Variants in EXOSC7 observed in about 807,000 individuals in gnomAD.
The protein encoded by EXOSC7 is exosome complex component RRP42.
In EXOSC7, 25 loss-of-function variants were observed where a neutral mutation model predicts 34.3. The observed-to-expected ratio is 0.73, with a 90% CI of 0.53 to 1.02. The LOEUF (loss-of-function observed/expected upper bound fraction) is 1.02, where lower values mean the gene tolerates loss of function less well. EXOSC7 is among the 50% of genes least tolerant of loss of function. The pLI is 0.00. For missense variants in EXOSC7, 370 were observed against 368.5 expected, an observed-to-expected ratio of 1.00 and a Z score of -0.03; for synonymous variants, 130 against 143.0, an observed-to-expected ratio of 0.91 and a Z score of 0.65.
At chr3:44,996,991 TC>T in intron 3 of EXOSC7, 95 bp from the exon 4 acceptor site, 5 of 1,292,722 alleles carry the variant, frequency 3.9e-6, no homozygotes, top group Middle Eastern at 1.9e-4. Flanking sequence ...AGCTGGCTCT[TC>T]CAGCATTCTA....
intron 7 of EXOSC7, among the ~76,000 whole-genome samples, chr3:45,009,653 A>G (rs111293499): frequency 0.1 from 15,661 of 151,504 alleles, 851 homozygotes; most frequent in Middle Eastern, 0.18. Flanking sequence ...GGTTCAAGTG[A>G]TTCTGCCTCA....
chr3:45,005,413 A>G lies in EXOSC7; in HGVS notation c.614A>G (p.Lys205Arg), dbSNP rs1334337043. 2 of 1,613,764 alleles carry G rather than the reference A, an allele frequency of 1.2e-6. No homozygotes were observed. Among genetic ancestry groups the G allele is most frequent in the Non-Finnish European group, 1.7e-6 (2 of 1,179,732 alleles). The change falls in exon 6 of 8, where the codon AAG becomes AGG. Residue 205 changes from lysine (K) to arginine (R), a missense_variant and splice_region_variant. Coordinates refer to ENST00000265564, the MANE Select transcript of EXOSC7 (RefSeq NM_015004.4). ...GTCCCCTGCATTGTCACTCTGTGCA[A>G]GGTATAACTTGTATTTTATGGTTTT... ...ENVPCIVTLCKIGYRHVVDAT... is the reference protein window; with the variant it reads ...ENVPCIVTLCRIGYRHVVDAT...
intron 7 of EXOSC7, among the ~76,000 whole-genome samples, chr3:45,008,897 A>G (rs866283135): frequency 6.6e-6 from 1 of 152,256 alleles, no homozygotes; most frequent in Non-Finnish European, 1.5e-5. Flanking sequence ...TTGTGTGCGT[A>G]CTATGTGCCA....
chr3:44,993,799 A>T (rs1479020948), intron 3 of EXOSC7, among the ~76,000 whole-genome samples: 7 of 152,182 alleles, frequency 4.6e-5, no homozygotes, highest in Admixed American at 4.6e-4. Context: ...GCAGGCAGCT[A>T]CAATTACCAG....
intron 5 of EXOSC7, chr3:45,001,980 A>C (rs977230066): frequency 4.6e-6 from 1 of 218,602 alleles, no homozygotes; most frequent in Non-Finnish European, 9.1e-6. Context: ...GTACTTGCCT[A>C]TATTCCTAGC....
At chr3:45,007,368 G>A in intron 6 of EXOSC7, 52 bp from the exon 7 acceptor site, 1 of 1,603,892 alleles carries the variant, frequency 6.2e-7, no homozygotes, top group Non-Finnish European at 8.5e-7. Context: ...ATCAGGGGTG[G>A]GACTCTGGGG....
At chr3:45,011,204 G>T (rs776904699) in intron 7 of EXOSC7, 31 bp from the exon 8 acceptor site, 25 of 1,364,316 alleles carry the variant, frequency 1.8e-5, no homozygotes, top group African/African-American at 2.9e-5. Context: ...TTACAAGGGG[G>T]TGTGTGCTCT....
chr3:45,002,556 G>A (rs565287974), intron 5 of EXOSC7, among the ~76,000 whole-genome samples: 7 of 152,142 alleles, frequency 4.6e-5, no homozygotes, highest in Admixed American at 3.3e-4. Context: ...CCCTCATCCT[G>A]GTTTTTGTTT....
rs781533911 is a variant in EXOSC7 at position 45,005,320 on chromosome 3, A to C, written c.521A>C (p.Glu174Ala). The C allele has an allele frequency of 6.2e-7, 1 of 1,614,066 alleles. No homozygotes were observed. Among genetic ancestry groups the C allele is most frequent in the African/African-American group, 1.3e-5 (1 of 74,934 alleles). ...RIPRVRVLED[E>A]EGSKDIELSD... Reference sequence around the variant, plus strand: ...CCAAGGGTTCGAGTTTTGGAGGATGAAGAGGGGTCGAAGGACATTGAATTG... The same window carrying C: ...CCAAGGGTTCGAGTTTTGGAGGATGCAGAGGGGTCGAAGGACATTGAATTG... The change falls in exon 6 of 8, where the codon GAA becomes GCA. Residue 174 changes from glutamate (E) to alanine (A), a missense_variant. By Grantham distance (107) the Glu-to-Ala change is moderately radical. Coordinates refer to ENST00000265564, the MANE Select transcript of EXOSC7 (RefSeq NM_015004.4).
chr3:44,989,070 A>T (rs1054283866), intron 1 of EXOSC7, 70 bp from the exon 2 acceptor site: 10 of 1,030,976 alleles, frequency 9.7e-6, no homozygotes, highest in Admixed American at 3.7e-5. Context: ...CTAGGGGGAA[A>T]ATGGGTGAGT....
intron 1 of EXOSC7, among the ~76,000 whole-genome samples, 197 bp from the exon 2 acceptor site, chr3:44,988,943 C>G (rs536006440): frequency 2.0e-5 from 3 of 152,316 alleles, no homozygotes; most frequent in Admixed American, 6.5e-5. Flanking sequence ...ACAAGTCGCT[C>G]AACTTCTCTG....
chr3:44,989,043 T>C (rs1471425927), intron 1 of EXOSC7, 97 bp from the exon 2 acceptor site: 12 of 742,964 alleles, frequency 1.6e-5, no homozygotes, highest in Non-Finnish European at 2.8e-5. Context: ...AAAAGAGATA[T>C]TCTGCATATA....
chr3:44,997,026 G>A (rs1706739895), intron 3 of EXOSC7, 61 bp from the exon 4 acceptor site: 1 of 1,530,954 alleles, frequency 6.5e-7, no homozygotes, highest in Non-Finnish European at 9.0e-7. Context: ...ATAAAGCTTT[G>A]CCTCTTTGCT....
chr3:45,007,555 A>T lies in EXOSC7; in HGVS notation c.751A>T (p.Ser251Cys). 6.2e-7 allele frequency: 1 copy of T among 1,610,214 alleles called. No individual in the cohort carries two copies. The highest frequency in any genetic ancestry group is 8.5e-7 in the Non-Finnish European group (1 of 1,177,998). The change falls in exon 7 of 8, where the codon AGC (serine) becomes TGC (cysteine). Residue 251 changes from serine to cysteine, a missense_variant. Coordinates refer to ENST00000265564, the MANE Select transcript of EXOSC7 (RefSeq NM_015004.4). ...GGGGAAGGGCAGCCTGGACCCAGAG[A>T]GCATCTTCGAGATGATGGAGGTGAG... ...KVGKGSLDPE[S>C]IFEMMETGKR...
At chr3:45,010,871 T>G (rs994254816) in intron 7 of EXOSC7, among the ~76,000 whole-genome samples, 2 of 152,230 alleles carry the variant, frequency 1.3e-5, no homozygotes, top group African/African-American at 4.8e-5. Context: ...TAGTACAGTG[T>G]CACCTGGCTG....
chr3:45,008,965 CTA>C (rs1354910840), intron 7 of EXOSC7, among the ~76,000 whole-genome samples: 9 of 152,186 alleles, frequency 5.9e-5, no homozygotes, highest in African/African-American at 2.2e-4. Flanking sequence ...TGTGAGGTAA[CTA>C]TTATTATTGT....
intron 4 of EXOSC7, among the ~76,000 whole-genome samples, chr3:45,001,275 A>G (rs925841935): frequency 2.0e-5 from 3 of 152,028 alleles, no homozygotes; most frequent in African/African-American, 7.2e-5. Context: ...CAACATGGTG[A>G]AACCCTAAAA....
In EXOSC7 at chr3:45,007,564, G is replaced by T; in HGVS notation, c.760G>T (p.Glu254Ter). Residue 254 changes from glutamate to a stop codon, truncating the protein, a stop_gained, in exon 7 of 8, where the codon GAG becomes TAG. Coordinates refer to ENST00000265564, the MANE Select transcript of EXOSC7 (RefSeq NM_015004.4). LOFTEE classifies it high-confidence loss of function. ...CAGCCTGGACCCAGAGAGCATCTTC[G>T]AGATGATGGAGGTGAGGCCTTAGTT... is the stretch of plus-strand genomic sequence containing the variant. ...KGSLDPESIF[E>*]MMETGKRVGK... The T allele has an allele frequency of 6.2e-7, 1 of 1,607,756 alleles. No individual in the cohort carries two copies. The highest frequency in any genetic ancestry group is 8.5e-7 in the Non-Finnish European group (1 of 1,176,782).
At chr3:45,004,694 T>C (rs1355962378) in intron 5 of EXOSC7, 1 of 152,052 alleles carries the variant, frequency 6.6e-6, no homozygotes, top group Non-Finnish European at 1.5e-5. Flanking sequence ...ACAGCCTCTT[T>C]TATGAAGACA....
Sources: gnomAD v4.1 joint callset for allele counts (sites outside exome capture counted in the v4.1 genomes callset) on GRCh38, gnomAD v4.1.1 for gene constraint, MANE v1.5 for transcripts, NCBI Gene and HGNC (gene_info 2026-07-23, HGNC 2026-07-21) for gene names.